Variants in MAF observed in about 807,000 individuals in gnomAD.
MAF encodes transcription factor Maf.
A neutral mutation model predicts 22.0 loss-of-function variants in MAF; 10 were observed. The observed-to-expected ratio is 0.45, with a 90% confidence interval of 0.28 to 0.77. MAF has a LOEUF of 0.77. Ranked by LOEUF, MAF falls within the 30% of genes least tolerant of loss-of-function variation. MAF has a pLI of 0.12. For synonymous variants in MAF, 337 were observed against 255.8 expected, an observed-to-expected ratio of 1.32 and a Z score of -3.03; for missense variants, 544 against 548.4, an observed-to-expected ratio of 0.99 and a Z score of 0.08.
intron 1 of MAF, chr16:79,596,811 C>T (rs1233174319): frequency 2.7e-5 from 28 of 1,048,750 alleles, no homozygotes; most frequent in Middle Eastern, 8.6e-4. Flanking sequence ...AAAAAATCTG[C>T]ATCATCTTAA....
At chr16:79,251,337 C>A in the MAF span, among the ~76,000 whole-genome samples, 2 of 92,826 alleles carry the variant, frequency 2.2e-5, no homozygotes, top group African/African-American at 9.4e-5. Flanking sequence ...TTTTTTGAGA[C>A]GGAGTTTTGC....
At chr16:79,479,928 C>T in the MAF span, among the ~76,000 whole-genome samples, 1 of 152,146 alleles carries the variant, frequency 6.6e-6, no homozygotes, top group Non-Finnish European at 1.5e-5. Flanking sequence ...TGTCCACAGT[C>T]CTACACTACT....
chr16:79,544,656 C>A, the MAF span, among the ~76,000 whole-genome samples: 1 of 151,600 alleles, frequency 6.6e-6, no homozygotes. Flanking sequence ...TACCTGTAGT[C>A]CCAGCTACTC....
chr16:79,262,876 AT>A, the MAF span, among the ~76,000 whole-genome samples: 4 of 152,150 alleles, frequency 2.6e-5, no homozygotes, highest in Non-Finnish European at 4.4e-5. Flanking sequence ...TAACCGTAGC[AT>A]TTTTTTGAAG....
the MAF span, among the ~76,000 whole-genome samples, chr16:79,302,835 G>A: frequency 6.6e-6 from 1 of 152,200 alleles, no homozygotes; most frequent in Non-Finnish European, 1.5e-5. Context: ...ATGAAGACAA[G>A]CTGTTGTCAA....
At chr16:79,322,384 G>A in the MAF span, among the ~76,000 whole-genome samples, 15 of 152,226 alleles carry the variant, frequency 9.9e-5, no homozygotes, top group East Asian at 1.7e-3. Context: ...GTCACTCTGT[G>A]GATTCAGTTA....
the MAF span, among the ~76,000 whole-genome samples, chr16:79,242,980 T>A: frequency 6.6e-6 from 1 of 151,914 alleles, no homozygotes; most frequent in Non-Finnish European, 1.5e-5. Context: ...AAGGCAGAAA[T>A]AAAGAAGTTT....
At chr16:79,311,723 T>C in the MAF span, among the ~76,000 whole-genome samples, 20 of 152,236 alleles carry the variant, frequency 1.3e-4, no homozygotes, top group Admixed American at 5.2e-4. Context: ...TTTGGTTTTT[T>C]CCCCAAGTGC....
chr16:79,458,972 ACTT>A, the MAF span, among the ~76,000 whole-genome samples: 1 of 152,248 alleles, frequency 6.6e-6, no homozygotes, highest in East Asian at 1.9e-4. Context: ...CATATATATT[ACTT>A]CTTTTTTCTT....
chr16:79,269,436 C>T, the MAF span, among the ~76,000 whole-genome samples: 2 of 152,136 alleles, frequency 1.3e-5, no homozygotes, highest in Non-Finnish European at 2.9e-5. Context: ...CTTTCTTTCT[C>T]TCTGGCGAAT....
the MAF span, among the ~76,000 whole-genome samples, chr16:79,217,336 A>G: frequency 1.3e-5 from 2 of 152,184 alleles, no homozygotes; most frequent in African/African-American, 4.8e-5. Context: ...TGTGTGGCCT[A>G]TAGACTAGAA....
At chr16:79,386,536 T>G in the MAF span, among the ~76,000 whole-genome samples, 3 of 152,110 alleles carry the variant, frequency 2.0e-5, no homozygotes, top group Non-Finnish European at 2.9e-5. Context: ...ACAGCTCACC[T>G]CCTGCTGTGT....
chr16:79,548,752 A>G, the MAF span, among the ~76,000 whole-genome samples: 1 of 152,068 alleles, frequency 6.6e-6, no homozygotes, highest in Non-Finnish European at 1.5e-5. Context: ...TACCCACCAT[A>G]CTCATGGACT....
At chr16:79,433,277 A>AATAT in the MAF span, among the ~76,000 whole-genome samples, 2 of 118,926 alleles carry the variant, frequency 1.7e-5, no homozygotes, top group East Asian at 2.5e-4. Flanking sequence ...TAAAAAAAAA[A>AATAT]ATATATATAT....
chr16:79,360,398 G>A, the MAF span, among the ~76,000 whole-genome samples: 1 of 152,134 alleles, frequency 6.6e-6, no homozygotes, highest in African/African-American at 2.4e-5. Context: ...TGGCTTTGGA[G>A]CAAGACAGAC....
At chr16:79,461,142 T>C in the MAF span, among the ~76,000 whole-genome samples, 1 of 152,270 alleles carries the variant, frequency 6.6e-6, no homozygotes, top group Non-Finnish European at 1.5e-5. Flanking sequence ...CTTATGTGTG[T>C]TTTGTTTATC....
chr16:79,459,693 C>T, the MAF span, among the ~76,000 whole-genome samples: 2 of 151,882 alleles, frequency 1.3e-5, no homozygotes, highest in Non-Finnish European at 2.9e-5. Flanking sequence ...CTACCTCAGC[C>T]TCCCGACTAG....
the MAF span, among the ~76,000 whole-genome samples, chr16:79,463,248 A>G: frequency 6.6e-6 from 1 of 152,208 alleles, no homozygotes; most frequent in Admixed American, 6.5e-5. Context: ...CATGAAAGCT[A>G]TGGTAGGAGT....
chr16:79,253,051 G>C, the MAF span, among the ~76,000 whole-genome samples: 2 of 152,162 alleles, frequency 1.3e-5, no homozygotes, highest in South Asian at 4.1e-4. Flanking sequence ...AATGAGATAA[G>C]ACAGTAAAAC....
Sources: gnomAD v4.1 joint callset for allele counts (sites outside exome capture counted in the v4.1 genomes callset) on GRCh38, gnomAD v4.1.1 for gene constraint, MANE v1.5 for transcripts, NCBI Gene and HGNC (gene_info 2026-07-23, HGNC 2026-07-21) for gene names.